The following KCNT1 variants were observed in gnomAD, a reference collection of about 807,000 sequenced individuals.
KCNT1 encodes potassium sodium-activated channel subfamily T member 1.
A neutral mutation model predicts 147.8 loss-of-function variants in KCNT1; 78 were observed. That is an observed-to-expected ratio of 0.53 (90% CI 0.44 to 0.64). The LOEUF (loss-of-function observed/expected upper bound fraction) is 0.64. Among genes scored for constraint, KCNT1 ranks in the 30% least tolerant of loss-of-function variants. KCNT1 has a pLI of 0.00. For synonymous variants in KCNT1, 867 were observed against 748.8 expected (o/e 1.16, Z -2.58); for missense variants, 1,419 against 1,750.3 (o/e 0.81, Z 3.38).
chr9:135,758,538 C>G lies in KCNT1; in HGVS notation c.854+30C>G, dbSNP rs767991731. The G allele has an allele frequency of 5.0e-6, 8 of 1,585,822 alleles. No homozygotes were observed. The East Asian group carries it at 6.7e-5, about 13-fold the overall frequency. On this transcript the variant is annotated intron_variant, in intron 10 of 30. Transcript: ENST00000371757. ...GTGCCGGCCGTCAGTGTGAGCACCC[C>G]AGGACGTTGGGAGGGCCCGAGAGGC...
chr9:135,708,331 A>C (rs1342820117), intron 1 of KCNT1, among the ~76,000 whole-genome samples: 1 of 152,240 alleles, frequency 6.6e-6, no homozygotes, highest in Non-Finnish European at 1.5e-5. Flanking sequence ...ATGCATGCAC[A>C]TATTCGTACA....
intron 5 of KCNT1, among the ~76,000 whole-genome samples, chr9:135,754,472 C>G (rs11103164): frequency 3.3e-5 from 5 of 152,054 alleles, no homozygotes; most frequent in African/African-American, 1.2e-4. Flanking sequence ...GCACCTGCCC[C>G]GGGCAGGCAG....
chr9:135,724,768 G>T (rs1836063576), intron 2 of KCNT1, among the ~76,000 whole-genome samples: 4 of 152,244 alleles, frequency 2.6e-5, no homozygotes, highest in Non-Finnish European at 5.9e-5. Context: ...CTCCGGCTGG[G>T]TCGGCTGGGC....
At position 135,752,191 on chromosome 9, in the gene KCNT1, C is replaced by T. The variant is rs752146473; in HGVS notation, c.434+1150C>T. The T allele has an allele frequency of 2.2e-4, 81 of 360,276 alleles. No homozygotes were observed. Among genetic ancestry groups the T allele is most frequent in the Admixed American group, 7.8e-4 (21 of 26,888 alleles). The allele number at this position is 360,276 out of a possible 1,614,324, so 22.3% of individuals were successfully genotyped here. A position where few individuals can be genotyped will look rare whatever the true frequency, so the allele number is the denominator to read the frequency against. On this transcript the variant is annotated intron_variant, in intron 4 of 30. Transcript: ENST00000371757. This position sits in a 1 kb window ranked among gnomAD's most constrained non-coding sequence, Gnocchi z 5.1. ...AGCATGCTGGTCCCCCCTCTGGCTGCGCAGAGCAGGTTCTTCCCTGGAGAG... is the reference window on the plus strand; with the variant it reads ...AGCATGCTGGTCCCCCCTCTGGCTGTGCAGAGCAGGTTCTTCCCTGGAGAG...
intron 11 of KCNT1, among the ~76,000 whole-genome samples, chr9:135,764,253 C>G (rs971185029): frequency 1.3e-5 from 2 of 151,968 alleles, no homozygotes; most frequent in South Asian, 4.1e-4. Flanking sequence ...CCCAGGAGTT[C>G]GAGACCAGCC....
chr9:135,791,978 A>G, intron 30 of KCNT1, 63 bp from the exon 31 acceptor site: 1 of 1,606,838 alleles, frequency 6.2e-7, no homozygotes, highest in East Asian at 2.2e-5. Flanking sequence ...GCCGCTCAGC[A>G]GAGGGCTGAG....
At chr9:135,756,977 TC>T in intron 7 of KCNT1, 45 bp downstream of exon 7, 1 of 966,010 alleles carries the variant, frequency 1.0e-6, no homozygotes. Context: ...GTCCCCACCC[TC>T]CCCACCCTCC....
At position 135,752,319 on chromosome 9, in the gene KCNT1, T is replaced by C. The variant is rs1831221363; in HGVS notation, c.434+1278T>C. 2.2e-6 allele frequency: 1 copy of C among 455,090 alleles called. No homozygotes were observed. The highest frequency in any genetic ancestry group is 1.6e-5 in the South Asian group (1 of 64,296). 28.2% of individuals were successfully genotyped at this position (455,090 alleles called of 1,614,324 possible). On this transcript the variant is annotated intron_variant, in intron 4 of 30. Transcript: ENST00000371757. The surrounding 1 kb of genome is among the most constrained non-coding windows in gnomAD (Gnocchi z 5.1). ...CCTGTTACCCCGTCACAAGGGGGCC[T>C]GGCATCCCCAGGCCAGAGACTTTCC...
chr9:135,742,195 CAGGGCTGGCGGGTGCCT>C (rs1830600505), intron 2 of KCNT1, among the ~76,000 whole-genome samples: 1 of 152,170 alleles, frequency 6.6e-6, no homozygotes, highest in Admixed American at 6.5e-5. Flanking sequence ...AGCCTTGGGG[CAGGGCTGGCGGGTGCCT>C]CACCCGCTGG....
Position 135,775,337 on chromosome 9 carries a change from G to A in KCNT1, c.2271G>A (p.Ser757=), listed in dbSNP as rs374981764. 13 of 1,609,294 alleles carry A rather than the reference G, an allele frequency of 8.1e-6. No homozygotes were observed. The highest frequency in any genetic ancestry group is 6.7e-5 in the African/African-American group (5 of 74,982). ...ATGTGAAGGGCTACCCTCCCAACTC[G>A]CCCTACATCGGCAGCTCCCCAACCC... The part of the protein sequence containing the change: ...VEYVKGYPPN[S]PYIGSSPTLC... Residue 757 remains serine (S), a synonymous_variant, in exon 20 of 31, where the codon TCG becomes TCA. Coordinates refer to ENST00000371757, the MANE Select transcript of KCNT1 (RefSeq NM_020822.3).
intron 13 of KCNT1, 52 bp from the exon 14 acceptor site, chr9:135,768,558 G>C: frequency 1.4e-6 from 2 of 1,470,770 alleles, no homozygotes; most frequent in Non-Finnish European, 1.9e-6. Context: ...ACCCCCGGCT[G>C]CACTGCCCAC....
intron 20 of KCNT1, among the ~76,000 whole-genome samples, chr9:135,776,767 C>T (rs1036989384): frequency 9.9e-5 from 15 of 152,228 alleles, no homozygotes; most frequent in African/African-American, 3.1e-4. Flanking sequence ...TGCTCGGACC[C>T]CCTCAGTTCA....
In KCNT1 at chr9:135,752,192, G is replaced by A. The variant is rs574255654; in HGVS notation, c.434+1151G>A. On this transcript the variant is annotated intron_variant, in intron 4 of 30. Coordinates refer to ENST00000371757, the MANE Select transcript of KCNT1 (RefSeq NM_020822.3). This position sits in a 1 kb window ranked among gnomAD's most constrained non-coding sequence, Gnocchi z 5.1. Reference sequence around the variant, plus strand: ...GCATGCTGGTCCCCCCTCTGGCTGCGCAGAGCAGGTTCTTCCCTGGAGAGA... The same window carrying A: ...GCATGCTGGTCCCCCCTCTGGCTGCACAGAGCAGGTTCTTCCCTGGAGAGA... 1.3e-4 allele frequency: 45 copies of A among 359,812 alleles called. 1 individual carries two copies. The highest frequency in any genetic ancestry group is 8.1e-4 in the Middle Eastern group (2 of 2,472). 22.3% of individuals were successfully genotyped at this position (359,812 alleles called of 1,614,324 possible).
chr9:135,732,024 A>AGAGAGAGGGAGAGAGAGAGG (rs1554766189), intron 2 of KCNT1, among the ~76,000 whole-genome samples: 1 of 65,084 alleles, frequency 1.5e-5, no homozygotes. Context: ...AGAGAGAGAG[A>AGAGAGAGGGAGAGAGAGAGG]GAGAGAGAGA....
At chr9:135,707,122 C>CA (rs961135694) in intron 1 of KCNT1, among the ~76,000 whole-genome samples, 2,716 of 128,418 alleles carry the variant, frequency 0.021, 28 homozygotes, top group Middle Eastern at 0.063. Flanking sequence ...CCTGTCTCTA[C>CA]AAAAAAAAAA....
At position 135,730,738 on chromosome 9, in the gene KCNT1, C is replaced by T. The variant is rs1836395440; in HGVS notation, c.254+16018C>T. Among the ~76,000 whole-genome samples, 2 of 152,142 alleles carry T rather than the reference C, an allele frequency of 1.3e-5. No homozygotes were observed. The highest frequency in any genetic ancestry group is 2.9e-5 in the Non-Finnish European group (2 of 68,020). ...CGGTGGCTCACACCTGAAATCTCAG[C>T]ACTTTGGGAGGCCAAGGCAGGCAGA... On this transcript the variant is annotated intron_variant, in intron 2 of 30. Transcript: ENST00000371757. The surrounding 1 kb of genome is among the most constrained non-coding windows in gnomAD (Gnocchi z 4.7).
In KCNT1 at chr9:135,772,700, A is replaced by C; in HGVS notation, c.2009-15A>C. 7.3e-7 allele frequency: 1 copy of C among 1,364,558 alleles called. No homozygotes were observed. The highest frequency in any genetic ancestry group is 9.5e-7 in the Non-Finnish European group (1 of 1,053,410). The allele number at this position is 1,364,558 out of a possible 1,614,324, so 84.5% of individuals were successfully genotyped here. The stretch of plus-strand genomic sequence containing the variant: ...TGGGAGTCGGGCTGTGGCCAAGCAC[A>C]GGGCTCTCTTCCAGGGACAGTGGCC... On this transcript the variant is annotated splice_polypyrimidine_tract_variant and intron_variant, in intron 18 of 30. Coordinates refer to ENST00000371757, the MANE Select transcript of KCNT1 (RefSeq NM_020822.3).
At chr9:135,750,628 AG>A in intron 3 of KCNT1, 1 of 427,088 alleles carries the variant, frequency 2.3e-6, no homozygotes, top group South Asian at 2.7e-5. Flanking sequence ...GGGTTTCCCC[AG>A]GGGCTCCACA....
chr9:135,769,361 G>A (rs1386106970), intron 15 of KCNT1, among the ~76,000 whole-genome samples: 5 of 152,168 alleles, frequency 3.3e-5, no homozygotes, highest in South Asian at 4.1e-4. Flanking sequence ...GCAGTTAGGC[G>A]AGCTGTGTGG....
Sources: allele counts gnomAD v4.1 joint callset (sites outside exome capture counted in the v4.1 genomes callset), GRCh38; gene constraint gnomAD v4.1.1; non-coding constraint Gnocchi (gnomAD v3.1); transcripts MANE v1.5; gene names NCBI Gene and HGNC (gene_info 2026-07-23, HGNC 2026-07-21).